The following PPP6R3 variants were observed in gnomAD, a reference collection of about 807,000 sequenced individuals.
The protein encoded by PPP6R3 is serine/threonine-protein phosphatase 6 regulatory subunit 3.
A neutral mutation model predicts 110.7 loss-of-function variants in PPP6R3; 38 were observed. That is an observed-to-expected ratio of 0.34 (90% CI 0.26 to 0.45). The LOEUF (loss-of-function observed/expected upper bound fraction) is 0.45, where lower values mean the gene tolerates loss of function less well. Ranked by LOEUF, PPP6R3 falls within the 20% of genes least tolerant of loss-of-function variation. The pLI is 1.00. For missense variants in PPP6R3, 870 were observed against 1,062.4 expected, an observed-to-expected ratio of 0.82 and a Z score of 2.52; for synonymous variants, 369 against 373.5, an observed-to-expected ratio of 0.99 and a Z score of 0.14.
intron 12 of PPP6R3, among the ~76,000 whole-genome samples, chr11:68,572,856 C>T (rs2099512851): frequency 0.014 from 1 of 70 alleles, no homozygotes; most frequent in African/African-American, 0.1. Context: ...AAATAATCAA[C>T]CCTGTACTTC....
At chr11:68,600,307 T>A (rs771177515) in intron 19 of PPP6R3, 34 bp from the exon 20 acceptor site, 2 of 1,597,844 alleles carry the variant, frequency 1.3e-6, no homozygotes, top group Non-Finnish European at 1.7e-6. Flanking sequence ...ACGACTGAAG[T>A]GTTTTCCAAA....
chr11:68,485,314 A>G (rs1270191135), intron 1 of PPP6R3, among the ~76,000 whole-genome samples: 4 of 129,432 alleles, frequency 3.1e-5, no homozygotes, highest in Admixed American at 1.7e-4. Flanking sequence ...CATTTTCTCC[A>G]TCATGTTGTC....
chr11:68,591,610 A>G lies in PPP6R3; in HGVS notation c.1820A>G (p.Glu607Gly). The G allele has an allele frequency of 6.2e-6, 10 of 1,609,932 alleles. No individual in the cohort carries two copies. The highest frequency in any genetic ancestry group is 8.5e-6 in the Non-Finnish European group (10 of 1,178,308). Residue 607 changes from glutamate (E) to glycine (G), a missense_variant, in exon 18 of 24, where the codon GAA (glutamate) becomes GGA (glycine). Coordinates refer to ENST00000393800, the MANE Select transcript of PPP6R3 (RefSeq NM_001164161.2). ...NIALFEACCK[E>G]RIQQFDDGGS... The stretch of plus-strand genomic sequence containing the variant: ...GCCTTGTTTGAAGCATGTTGTAAGG[A>G]AAGAATACAACAGTTTGATGATGGT...
intron 1 of PPP6R3, among the ~76,000 whole-genome samples, chr11:68,472,134 T>C (rs774301702): frequency 2.0e-5 from 3 of 152,148 alleles, no homozygotes; most frequent in Non-Finnish European, 4.4e-5. Context: ...TAGGCATTGC[T>C]TCATTTAACT....
intron 14 of PPP6R3, among the ~76,000 whole-genome samples, chr11:68,576,729 C>G (rs2099533101): frequency 1.3e-5 from 2 of 152,188 alleles, no homozygotes; most frequent in Admixed American, 6.5e-5. Flanking sequence ...GTGGCCTTTG[C>G]TTAGACAGAA....
At chr11:68,537,973 C>T in intron 3 of PPP6R3, 82 bp downstream of exon 3, 1 of 1,060,306 alleles carries the variant, frequency 9.4e-7, no homozygotes. Flanking sequence ...AAGGATTCTC[C>T]AGTGTGACTG....
intron 22 of PPP6R3, among the ~76,000 whole-genome samples, chr11:68,606,415 A>G (rs977039177): frequency 4.1e-5 from 6 of 147,354 alleles, no homozygotes; most frequent in Non-Finnish European, 7.5e-5. Context: ...TCCCACCTCA[A>G]CCTCCCAAGT....
intron 1 of PPP6R3, among the ~76,000 whole-genome samples, chr11:68,482,222 C>CAAAAAAA (rs35130397): frequency 1.1e-5 from 1 of 87,044 alleles, no homozygotes; most frequent in African/African-American, 4.1e-5. Context: ...CCCATCTCTC[C>CAAAAAAA]AAAAAAAAAA....
At chr11:68,506,407 T>G (rs2099076685) in intron 1 of PPP6R3, among the ~76,000 whole-genome samples, 1 of 68,744 alleles carries the variant, frequency 1.5e-5, no homozygotes. Context: ...ACCCAGCCCT[T>G]TATACTCAAA....
chr11:68,538,105 A>G (rs1386386002), intron 3 of PPP6R3, among the ~76,000 whole-genome samples: 1 of 152,242 alleles, frequency 6.6e-6, no homozygotes, highest in Non-Finnish European at 1.5e-5. Context: ...AATTTCATTC[A>G]AAGGTTTTCT....
chr11:68,529,517 G>A (rs1055410688), intron 2 of PPP6R3, among the ~76,000 whole-genome samples: 4 of 152,216 alleles, frequency 2.6e-5, no homozygotes, highest in Non-Finnish European at 5.9e-5. Context: ...GCGCCCAGCC[G>A]GCATGCATCT....
chr11:68,464,215 C>T (rs1394392440), intron 1 of PPP6R3, among the ~76,000 whole-genome samples: 18 of 152,192 alleles, frequency 1.2e-4, no homozygotes, highest in Non-Finnish European at 1.5e-5. Context: ...TCACTGCAAC[C>T]TCTGCCTCCT....
chr11:68,543,730 C>T (rs1312525711), intron 3 of PPP6R3, among the ~76,000 whole-genome samples: 1 of 152,212 alleles, frequency 6.6e-6, no homozygotes, highest in African/African-American at 2.4e-5. Context: ...GCGCTGGGTC[C>T]TGGCTGTCCA....
chr11:68,607,388 T>A (rs1221048890), intron 22 of PPP6R3, among the ~76,000 whole-genome samples: 1 of 152,198 alleles, frequency 6.6e-6, no homozygotes, highest in African/African-American at 2.4e-5. Flanking sequence ...AAAGGAAAAG[T>A]CAGGCAAGAT....
intron 19 of PPP6R3, among the ~76,000 whole-genome samples, chr11:68,598,561 G>C (rs1435952278): frequency 6.6e-6 from 1 of 152,174 alleles, no homozygotes; most frequent in Non-Finnish European, 1.5e-5. Flanking sequence ...GGTTGGGGAA[G>C]ATTCTCTCTC....
chr11:68,494,644 C>G (rs1565404834), intron 1 of PPP6R3, among the ~76,000 whole-genome samples: 1 of 152,100 alleles, frequency 6.6e-6, no homozygotes, highest in East Asian at 1.9e-4. Context: ...TTCTTCTTGA[C>G]TGATTGCTTG....
chr11:68,568,424 T>G (rs1205116208), intron 10 of PPP6R3, among the ~76,000 whole-genome samples: 1 of 152,194 alleles, frequency 6.6e-6, no homozygotes, highest in Non-Finnish European at 1.5e-5. Context: ...CTTCTTCATT[T>G]TGAGATTAGA....
At position 68,549,157 on chromosome 11, in the gene PPP6R3, C is replaced by T. The variant is rs569379639; in HGVS notation, c.552+953C>T. On this transcript the variant is annotated intron_variant, in intron 5 of 23. Coordinates refer to ENST00000393800, the MANE Select transcript of PPP6R3 (RefSeq NM_001164161.2). ...CCGCCCGCCTGGGCCTCCCAAAGTG[C>T]TGGGATTACAGGCGTGAGCCACTGC... 6.6e-5 allele frequency among the ~76,000 whole-genome samples: 10 copies of T among 152,348 alleles called. No individual in the cohort carries two copies. The East Asian group carries it at 1.2e-3, about 18-fold the overall frequency.
chr11:68,568,653 G>C (rs1356724448), intron 10 of PPP6R3, among the ~76,000 whole-genome samples: 1 of 152,164 alleles, frequency 6.6e-6, no homozygotes, highest in Non-Finnish European at 1.5e-5. Context: ...TGAGTCATGA[G>C]CACCTCAAGA....
Sources: gnomAD v4.1 joint callset for allele counts (sites outside exome capture counted in the v4.1 genomes callset) on GRCh38, gnomAD v4.1.1 for gene constraint, MANE v1.5 for transcripts, NCBI Gene and HGNC (gene_info 2026-07-23, HGNC 2026-07-21) for gene names.